PHF14: variants seen among roughly 807,000 people sequenced by gnomAD.
The protein encoded by PHF14 is PHD finger protein 14.
PHF14 carries 55 observed loss-of-function variants against 117.9 expected under a neutral mutation model. The observed-to-expected ratio is 0.47, with a 90% CI of 0.38 to 0.58. PHF14 has a LOEUF of 0.58. PHF14 is among the 20% of genes least tolerant of loss of function. The pLI is 0.00. For synonymous variants in PHF14, 409 were observed against 368.6 expected (o/e 1.11, Z -1.26); for missense variants, 978 against 1,122.2 (o/e 0.87, Z 1.84).
chr7:11,090,764 T>G (rs1786613300), intron 16 of PHF14, among the ~76,000 whole-genome samples: 1 of 152,210 alleles, frequency 6.6e-6, no homozygotes, highest in Non-Finnish European at 1.5e-5. Context: ...TAGATTTTTA[T>G]GTAGAGGGTT....
intron 17 of PHF14, among the ~76,000 whole-genome samples, chr7:11,121,593 A>C (rs1191382374): frequency 1.3e-5 from 2 of 152,112 alleles, no homozygotes; most frequent in Middle Eastern, 3.2e-3. Flanking sequence ...CAAAATTGTT[A>C]ACATCACTAC....
chr7:11,056,506 ACT>A (rs1350912717), intron 14 of PHF14, among the ~76,000 whole-genome samples: 1 of 151,746 alleles, frequency 6.6e-6, no homozygotes, highest in African/African-American at 2.4e-5. Flanking sequence ...ATAAAAAGAA[ACT>A]CTACAGTCAA....
intron 17 of PHF14, among the ~76,000 whole-genome samples, chr7:11,113,206 G>A (rs982073006): frequency 2.0e-5 from 3 of 151,952 alleles, no homozygotes; most frequent in Non-Finnish European, 2.9e-5. Context: ...TAAATATGTA[G>A]TATTATGTTA....
At chr7:11,090,387 A>G (rs1786597515) in intron 16 of PHF14, among the ~76,000 whole-genome samples, 1 of 152,222 alleles carries the variant, frequency 6.6e-6, no homozygotes, top group Non-Finnish European at 1.5e-5. Flanking sequence ...AAGCAAGTGA[A>G]ATTATATCAG....
At position 11,061,886 on chromosome 7, in the gene PHF14, A is replaced by G. The variant is rs554688868; in HGVS notation, c.2532+45A>G. 320 of 1,519,674 alleles carry G rather than the reference A, an allele frequency of 2.1e-4. 1 individual carries two copies. The highest frequency in any genetic ancestry group is 2.8e-4 in the Non-Finnish European group (314 of 1,132,998). 94.1% of individuals were successfully genotyped at this position (1,519,674 alleles called of 1,614,324 possible). On this transcript the variant is annotated intron_variant, in intron 15 of 17. Transcript: ENST00000634607. ...TTTTACACAGTCTTAACTTTGAGAA[A>G]TTTTCTTGCTTAAAATTGTTTCCCT...
At chr7:11,049,829 C>G (rs987512725) in intron 13 of PHF14, among the ~76,000 whole-genome samples, 1 of 152,066 alleles carries the variant, frequency 6.6e-6, no homozygotes, top group Non-Finnish European at 1.5e-5. Flanking sequence ...TTAATATATT[C>G]GTTTAGTTGT....
At chr7:11,098,246 A>T (rs187411469) in intron 16 of PHF14, among the ~76,000 whole-genome samples, 1 of 152,320 alleles carries the variant, frequency 6.6e-6, no homozygotes, top group East Asian at 1.9e-4. Context: ...TGAAAATATC[A>T]GAATATTTTG....
intron 17 of PHF14, among the ~76,000 whole-genome samples, chr7:11,143,159 A>G (rs1788445509): frequency 6.6e-6 from 1 of 152,208 alleles, no homozygotes; most frequent in Non-Finnish European, 1.5e-5. Context: ...AATTGTATTG[A>G]ACTATGGTTT....
At chr7:10,974,465 A>T (rs1468115876) in intron 1 of PHF14, 141 bp downstream of exon 1, 2 of 756,362 alleles carry the variant, frequency 2.6e-6, no homozygotes, top group Non-Finnish European at 4.6e-6. Context: ...GTCCGCGGGA[A>T]TGAAGCCCGC....
At chr7:11,037,588 T>C (rs1453237366) in intron 10 of PHF14, among the ~76,000 whole-genome samples, 1 of 152,222 alleles carries the variant, frequency 6.6e-6, no homozygotes, top group Non-Finnish European at 1.5e-5. Flanking sequence ...TATATTATAA[T>C]GTTTGGAATA....
At chr7:11,095,957 G>A (rs1644475526) in intron 16 of PHF14, among the ~76,000 whole-genome samples, 2 of 152,000 alleles carry the variant, frequency 1.3e-5, no homozygotes, top group Admixed American at 6.6e-5. Context: ...CAGCTTTGGG[G>A]CTATACTCTG....
intron 4 of PHF14, among the ~76,000 whole-genome samples, chr7:10,993,650 CAAG>C (rs1193946234): frequency 6.6e-6 from 1 of 152,038 alleles, no homozygotes; most frequent in Non-Finnish European, 1.5e-5. Flanking sequence ...TGAAGTAGGA[CAAG>C]GAGTATAGGA....
chr7:10,974,383 G>C lies in PHF14; in HGVS notation c.1+59G>C, dbSNP rs1583318008. The C allele has an allele frequency of 6.8e-6, 10 of 1,469,162 alleles. 1 individual carries two copies. In the South Asian group the frequency reaches 1.1e-4, roughly 16 times the overall value. The allele number at this position is 1,469,162 out of a possible 1,614,324, so 91.0% of individuals were successfully genotyped here. A position where few individuals can be genotyped will look rare whatever the true frequency, so the allele number is the denominator to read the frequency against. On this transcript the variant is annotated intron_variant, in intron 1 of 17. Coordinates refer to ENST00000634607, the MANE Select transcript of PHF14 (RefSeq NM_001007157.2). ...CCATTTCAGCCATTCTAGAAGTCAGGGCCGGTGGGAGCAGGGCAGGGGTGG... is the reference window on the plus strand; with the variant it reads ...CCATTTCAGCCATTCTAGAAGTCAGCGCCGGTGGGAGCAGGGCAGGGGTGG...
chr7:11,019,178 T>C (rs893555948), intron 5 of PHF14, among the ~76,000 whole-genome samples: 2 of 152,246 alleles, frequency 1.3e-5, no homozygotes, highest in Non-Finnish European at 1.5e-5. Context: ...TCATCAGAGA[T>C]ACTGGCCTGT....
At chr7:11,133,376 G>T (rs1788136259) in intron 17 of PHF14, among the ~76,000 whole-genome samples, 1 of 151,886 alleles carries the variant, frequency 6.6e-6, no homozygotes, top group African/African-American at 2.4e-5. Flanking sequence ...AGAATAGAGA[G>T]CCCAGAGATA....
chr7:11,124,220 G>T (rs1787855907), intron 17 of PHF14, among the ~76,000 whole-genome samples: 1 of 151,982 alleles, frequency 6.6e-6, no homozygotes, highest in Non-Finnish European at 1.5e-5. Context: ...AGCACCTAAA[G>T]ATACTACATT....
At chr7:11,084,841 A>T (rs369420458) in intron 16 of PHF14, among the ~76,000 whole-genome samples, 4 of 152,086 alleles carry the variant, frequency 2.6e-5, no homozygotes, top group African/African-American at 9.7e-5. Context: ...TTATTCACTC[A>T]TATATTGATG....
chr7:11,049,162 AC>A (rs1179487520), intron 13 of PHF14, among the ~76,000 whole-genome samples: 1 of 152,194 alleles, frequency 6.6e-6, no homozygotes, highest in Non-Finnish European at 1.5e-5. Context: ...ATTTAAGTAG[AC>A]AAACAACATA....
At chr7:11,011,387 T>TA (rs1783352966) in intron 4 of PHF14, among the ~76,000 whole-genome samples, 1 of 152,250 alleles carries the variant, frequency 6.6e-6, no homozygotes, top group African/African-American at 2.4e-5. Flanking sequence ...CACATGATCT[T>TA]ACATTGGATA....
Sources: allele counts gnomAD v4.1 joint callset (sites outside exome capture counted in the v4.1 genomes callset), GRCh38; gene constraint gnomAD v4.1.1; transcripts MANE v1.5; gene names NCBI Gene and HGNC (gene_info 2026-07-23, HGNC 2026-07-21).